The following SMURF1 variants were observed in gnomAD, a reference collection of about 807,000 sequenced individuals.
SMURF1 encodes the protein E3 ubiquitin-protein ligase SMURF1.
A neutral mutation model predicts 98.0 loss-of-function variants in SMURF1; 44 were observed. The ratio of observed to expected loss-of-function variants is 0.45; its 90% CI spans 0.35 to 0.58. The LOEUF is 0.58. Ranked by LOEUF, SMURF1 falls within the 20% of genes least tolerant of loss-of-function variation. The probability of loss-of-function intolerance (pLI) is 0.00; values close to 1 mark genes in which losing one functional copy is unlikely to be tolerated. For synonymous variants in SMURF1, 396 were observed against 374.9 expected, an observed-to-expected ratio of 1.06 and a Z score of -0.65; for missense variants, 687 against 938.4, an observed-to-expected ratio of 0.73 and a Z score of 3.50.
chr7:99,098,923 T>G (rs1797010024), intron 1 of SMURF1, among the ~76,000 whole-genome samples: 1 of 152,192 alleles, frequency 6.6e-6, no homozygotes. Context: ...GATCCCTCCT[T>G]TCATCTTTGG....
chr7:99,106,106 C>T (rs942528021), intron 1 of SMURF1, among the ~76,000 whole-genome samples: 2 of 152,192 alleles, frequency 1.3e-5, no homozygotes, highest in African/African-American at 4.8e-5. Context: ...TTTCCCTTCC[C>T]AATGTAAAAT....
At chr7:99,132,270 C>T (rs182851242) in intron 1 of SMURF1, among the ~76,000 whole-genome samples, 27 of 152,200 alleles carry the variant, frequency 1.8e-4, no homozygotes, top group Middle Eastern at 3.4e-3. Flanking sequence ...AGGTGTCCTC[C>T]GACGCCCAAC....
chr7:99,103,018 G>A (rs1383422902), intron 1 of SMURF1, among the ~76,000 whole-genome samples: 2 of 151,790 alleles, frequency 1.3e-5, no homozygotes, highest in Non-Finnish European at 2.9e-5. Flanking sequence ...TGCCCAGGCT[G>A]GTTTCAAACT....
chr7:99,065,965 G>A (rs1236791927), intron 1 of SMURF1, among the ~76,000 whole-genome samples: 1 of 151,666 alleles, frequency 6.6e-6, no homozygotes, highest in African/African-American at 2.4e-5. Flanking sequence ...AGAATCGCTT[G>A]AACCCAGGAG....
chr7:99,046,204 CT>C (rs1795568540), intron 10 of SMURF1, among the ~76,000 whole-genome samples: 2 of 152,152 alleles, frequency 1.3e-5, no homozygotes, highest in African/African-American at 4.8e-5. Context: ...TTCTGAGCCT[CT>C]CTTTATATCT....
intron 1 of SMURF1, among the ~76,000 whole-genome samples, chr7:99,143,522 G>T (rs1798190290): frequency 7.6e-6 from 1 of 132,316 alleles, no homozygotes; most frequent in Non-Finnish European, 1.7e-5. Context: ...GACCGAGGGG[G>T]CGCGAGCGGC....
intron 1 of SMURF1, among the ~76,000 whole-genome samples, chr7:99,112,350 T>C (rs994638030): frequency 3.3e-5 from 5 of 152,234 alleles, no homozygotes; most frequent in African/African-American, 1.2e-4. Context: ...GTTGTTGTCA[T>C]TCCAGACGTG....
rs1405147140 is a variant in SMURF1, at chr7:99,054,851, G to A, written c.418C>T (p.Arg140Ter). 3.7e-6 allele frequency: 6 copies of A among 1,613,806 alleles called. No homozygotes were observed. The highest frequency in any genetic ancestry group is 1.7e-5 in the Admixed American group (1 of 59,972). Reference sequence around the variant, plus strand: ...GAGCCGCCGGTTCCTATTCTGTCTCGTGTCTGTAAACTGACTAAAAGAGAA... The same window carrying A: ...GAGCCGCCGGTTCCTATTCTGTCTCATGTCTGTAAACTGACTAAAAGAGAA... ...RGQIVVSLQT[R>*]DRIGTGGSVV... Residue 140 changes from arginine (R) to a stop codon, truncating the protein, a stop_gained, in exon 6 of 18, where the codon CGA becomes TGA. Coordinates refer to ENST00000361368, the MANE Select transcript of SMURF1 (RefSeq NM_181349.3). LOFTEE classifies it high-confidence loss of function.
chr7:99,108,380 C>T lies in SMURF1; in HGVS notation c.55+35346G>A, dbSNP rs908135915. Reference sequence around the variant, plus strand: ...ATCCCAGCACTTTGGGAGGCCGAGGCGGGCAGATTACCTAAGGTCAGGGGT... The same window carrying T: ...ATCCCAGCACTTTGGGAGGCCGAGGTGGGCAGATTACCTAAGGTCAGGGGT... On this transcript the variant is annotated intron_variant, in intron 1 of 17. Coordinates refer to ENST00000361368, the MANE Select transcript of SMURF1 (RefSeq NM_181349.3). Among the ~76,000 whole-genome samples, 11 of 151,676 alleles carry T rather than the reference C, an allele frequency of 7.3e-5. No homozygotes were observed. In the South Asian group the frequency reaches 8.3e-4, roughly 11 times the overall value.
At chr7:99,030,789 G>T (rs541409755) in intron 17 of SMURF1, 106 bp from the exon 18 acceptor site, 2 of 718,200 alleles carry the variant, frequency 2.8e-6, no homozygotes, top group East Asian at 2.7e-5. Context: ...GGAGAGGAAT[G>T]GGGGGTGGGG....
intron 1 of SMURF1, among the ~76,000 whole-genome samples, chr7:99,105,139 C>T (rs187830286): frequency 2.6e-5 from 4 of 152,324 alleles, no homozygotes; most frequent in East Asian, 3.9e-4. Context: ...TGCACATGCA[C>T]GTGAATAAGC....
At chr7:99,106,608 C>G (rs1441011870) in intron 1 of SMURF1, among the ~76,000 whole-genome samples, 1 of 152,202 alleles carries the variant, frequency 6.6e-6, no homozygotes, top group African/African-American at 2.4e-5. Flanking sequence ...AGGTGGCCAG[C>G]CTCTGTCTTT....
chr7:99,055,612 G>A (rs1224532560), intron 5 of SMURF1, among the ~76,000 whole-genome samples: 2 of 152,158 alleles, frequency 1.3e-5, no homozygotes, highest in East Asian at 3.8e-4. Flanking sequence ...CTAGACTACA[G>A]GCATGTGCCA....
chr7:99,040,299 G>A lies in SMURF1; in HGVS notation c.1550+79C>T, dbSNP rs868646367. 185 of 1,290,988 alleles carry A rather than the reference G, an allele frequency of 1.4e-4. 1 individual carries two copies. The Middle Eastern group carries it at 2.1e-3, about 15-fold the overall frequency. 80.0% of individuals were successfully genotyped at this position (1,290,988 alleles called of 1,614,324 possible). On this transcript the variant is annotated intron_variant, in intron 13 of 17. Transcript: ENST00000361368. Reference sequence around the variant, plus strand: ...ATCCCCAAAATACACACACACGCGCGCGCGCGCGCACGCGCATACATACGA... The same window carrying A: ...ATCCCCAAAATACACACACACGCGCACGCGCGCGCACGCGCATACATACGA...
At chr7:99,084,418 C>CAA (rs1003975567) in intron 1 of SMURF1, among the ~76,000 whole-genome samples, 1 of 152,148 alleles carries the variant, frequency 6.6e-6, no homozygotes, top group African/African-American at 2.4e-5. Context: ...AAAAACCTAA[C>CAA]AAGTTCTTGG....
At chr7:99,091,844 A>G (rs577335844) in intron 1 of SMURF1, among the ~76,000 whole-genome samples, 1 of 152,328 alleles carries the variant, frequency 6.6e-6, no homozygotes, top group African/African-American at 2.4e-5. Context: ...ACCTGGATGC[A>G]TTAGGTGCAA....
At chr7:99,041,519 C>G (rs960571563) in intron 12 of SMURF1, among the ~76,000 whole-genome samples, 14 of 152,372 alleles carry the variant, frequency 9.2e-5, no homozygotes. Context: ...CAAAACTCTG[C>G]TTCCATGTTG....
intron 11 of SMURF1, among the ~76,000 whole-genome samples, chr7:99,044,800 A>G (rs1307603813): frequency 6.6e-6 from 1 of 152,236 alleles, no homozygotes; most frequent in Non-Finnish European, 1.5e-5. Flanking sequence ...ATCCGGAAAT[A>G]ACAAGATACC....
intron 12 of SMURF1, among the ~76,000 whole-genome samples, chr7:99,041,387 G>C (rs1317975843): frequency 6.6e-6 from 1 of 152,172 alleles, no homozygotes; most frequent in Non-Finnish European, 1.5e-5. Context: ...GGGGGACACA[G>C]CGAGACTCTC....
Sources: allele counts gnomAD v4.1 joint callset (sites outside exome capture counted in the v4.1 genomes callset), GRCh38; gene constraint gnomAD v4.1.1; transcripts MANE v1.5; gene names NCBI Gene and HGNC (gene_info 2026-07-23, HGNC 2026-07-21).